The following PRR16 variants were observed in gnomAD, a reference collection of about 807,000 sequenced individuals.
The protein encoded by PRR16 is protein Largen.
Under a neutral mutation model 18.2 loss-of-function variants are expected in PRR16, and 6 were observed. The ratio of observed to expected loss-of-function variants is 0.33; its 90% CI spans 0.18 to 0.65. The LOEUF is 0.65. PRR16 is among the 30% of genes least tolerant of loss of function. The pLI is 0.74. For synonymous variants in PRR16, 151 were observed against 147.8 expected, an observed-to-expected ratio of 1.02 and a Z score of -0.16; for missense variants, 412 against 376.6, an observed-to-expected ratio of 1.09 and a Z score of -0.78.
At chr5:120,566,923 T>A (rs1366664662) in intron 1 of PRR16, among the ~76,000 whole-genome samples, 1 of 152,200 alleles carries the variant, frequency 6.6e-6, no homozygotes, top group Non-Finnish European at 1.5e-5. Context: ...ACTTTTAAAT[T>A]GATATAAATG....
intron 1 of PRR16, among the ~76,000 whole-genome samples, chr5:120,519,291 A>G (rs1288268596): frequency 6.6e-6 from 1 of 152,134 alleles, no homozygotes; most frequent in Non-Finnish European, 1.5e-5. Flanking sequence ...TTATCATTGT[A>G]ACTGAGTATA....
chr5:120,510,769 TAC>T (rs1750801293), intron 1 of PRR16, among the ~76,000 whole-genome samples: 1 of 152,176 alleles, frequency 6.6e-6, no homozygotes, highest in Non-Finnish European at 1.5e-5. Context: ...AGTCAATAAA[TAC>T]AGTGTTATAT....
chr5:120,647,291 G>C (rs1221051208), intron 1 of PRR16, among the ~76,000 whole-genome samples: 2 of 151,948 alleles, frequency 1.3e-5, no homozygotes, highest in East Asian at 3.9e-4. Context: ...TTGTAGAACA[G>C]AAAAGGGTAT....
At chr5:120,545,404 T>G (rs7710645) in intron 1 of PRR16, among the ~76,000 whole-genome samples, 32,068 of 152,050 alleles carry the variant, frequency 0.21, 3,502 homozygotes, top group African/African-American at 0.22. Context: ...AGTTTCAGCT[T>G]TCATATCTTA....
At chr5:120,767,735 G>A in the PRR16 span, among the ~76,000 whole-genome samples, 256 of 151,870 alleles carry the variant, frequency 1.7e-3, no homozygotes, top group Non-Finnish European at 3.3e-3. Context: ...ACTATTTAAA[G>A]AAAGGCAAAT....
At chr5:120,578,015 A>C (rs1012468521) in intron 1 of PRR16, among the ~76,000 whole-genome samples, 2 of 152,208 alleles carry the variant, frequency 1.3e-5, no homozygotes, top group African/African-American at 4.8e-5. Context: ...GAAAAGAAAG[A>C]GAAAGCAAGG....
the PRR16 span, among the ~76,000 whole-genome samples, chr5:120,757,844 C>T: frequency 1.1e-4 from 16 of 151,898 alleles, no homozygotes; most frequent in African/African-American, 3.9e-4. Flanking sequence ...TTGCTAGCCT[C>T]GATTTAAATA....
chr5:120,774,912 A>G, the PRR16 span, among the ~76,000 whole-genome samples: 1 of 152,176 alleles, frequency 6.6e-6, no homozygotes, highest in Non-Finnish European at 1.5e-5. Flanking sequence ...TATGACTTCA[A>G]AAACCAGCCA....
chr5:120,537,682 T>G (rs1362074574), intron 1 of PRR16, among the ~76,000 whole-genome samples: 66 of 151,728 alleles, frequency 4.3e-4, no homozygotes, highest in Non-Finnish European at 8.8e-5. Flanking sequence ...GAAATAAAAT[T>G]GGAGACAGCA....
intron 1 of PRR16, among the ~76,000 whole-genome samples, chr5:120,601,555 G>T (rs888495413): frequency 4.6e-5 from 7 of 152,020 alleles, no homozygotes; most frequent in South Asian, 4.1e-4. Flanking sequence ...CTGTGCAGAG[G>T]TTCTTTAGTT....
At chr5:120,719,431 G>A in the PRR16 span, among the ~76,000 whole-genome samples, 2 of 152,092 alleles carry the variant, frequency 1.3e-5, no homozygotes, top group Non-Finnish European at 2.9e-5. Flanking sequence ...CTTCATCAAG[G>A]TAATTGTCAA....
chr5:120,791,711 A>G, the PRR16 span, among the ~76,000 whole-genome samples: 3 of 151,910 alleles, frequency 2.0e-5, no homozygotes, highest in African/African-American at 7.2e-5. Context: ...CAAAAATGGA[A>G]CTCAATCAAA....
chr5:120,494,804 T>G lies in PRR16; in HGVS notation c.159+30159T>G, dbSNP rs372727847. Among the ~76,000 whole-genome samples the G allele has an allele frequency of 5.9e-4, 90 of 152,228 alleles. 1 individual carries two copies. In the South Asian group the frequency reaches 0.018, roughly 30 times the overall value. ...ATAGGTTGAGGTGTGTCGTTTTGCT[T>G]AAGGATGTCCATTTGCTCAGCACCA... On this transcript the variant is annotated intron_variant, in intron 1 of 1. Coordinates refer to ENST00000407149, the MANE Select transcript of PRR16 (RefSeq NM_001300783.2).
chr5:120,617,467 A>G (rs958326057), intron 1 of PRR16, among the ~76,000 whole-genome samples: 3 of 152,194 alleles, frequency 2.0e-5, no homozygotes, highest in Non-Finnish European at 4.4e-5. Context: ...TAATAATATC[A>G]TAAATTTCAG....
the PRR16 span, among the ~76,000 whole-genome samples, chr5:120,755,950 T>A: frequency 6.6e-6 from 1 of 152,086 alleles, no homozygotes; most frequent in Non-Finnish European, 1.5e-5. Context: ...TTTTCTGGGG[T>A]TTAAATACCC....
the PRR16 span, among the ~76,000 whole-genome samples, chr5:120,775,356 A>G: frequency 3.3e-5 from 5 of 151,818 alleles, no homozygotes; most frequent in African/African-American, 9.7e-5. Context: ...CAGAAACAAT[A>G]ATAGGAAATC....
the PRR16 span, among the ~76,000 whole-genome samples, chr5:120,718,443 T>C: frequency 6.6e-6 from 1 of 152,152 alleles, no homozygotes; most frequent in Non-Finnish European, 1.5e-5. Context: ...AATTGCTAAG[T>C]CATTGCCCCT....
chr5:120,567,126 C>A (rs1308804950), intron 1 of PRR16, among the ~76,000 whole-genome samples: 1 of 152,106 alleles, frequency 6.6e-6, no homozygotes, highest in Non-Finnish European at 1.5e-5. Flanking sequence ...GGAATAAATC[C>A]ATTGTCCTAT....
At chr5:120,764,960 T>C in the PRR16 span, among the ~76,000 whole-genome samples, 1 of 151,802 alleles carries the variant, frequency 6.6e-6, no homozygotes, top group African/African-American at 2.4e-5. Context: ...ATTTCTCCTT[T>C]TTGAGGAATA....
Sources: gnomAD v4.1 joint callset for allele counts (sites outside exome capture counted in the v4.1 genomes callset) on GRCh38, gnomAD v4.1.1 for gene constraint, MANE v1.5 for transcripts, NCBI Gene and HGNC (gene_info 2026-07-23, HGNC 2026-07-21) for gene names.